Variants in GFPT1 observed in about 807,000 individuals in gnomAD.
GFPT1 encodes glutamine--fructose-6-phosphate transaminase 1.
Under a neutral mutation model 92.0 loss-of-function variants are expected in GFPT1, and 40 were observed. That is an observed-to-expected ratio of 0.43 (90% confidence interval 0.34 to 0.57). The LOEUF is 0.57. Among genes scored for constraint, GFPT1 ranks in the 20% least tolerant of loss-of-function variants. The pLI, the probability that GFPT1 is intolerant of heterozygous loss-of-function variation, is 0.02. For synonymous variants in GFPT1, 269 were observed against 280.6 expected, an observed-to-expected ratio of 0.96 and a Z score of 0.41; for missense variants, 448 against 869.1, an observed-to-expected ratio of 0.52 and a Z score of 6.09.
intron 2 of GFPT1, 45 bp from the exon 3 acceptor site, chr2:69,370,153 C>G (rs751018032): frequency 8.8e-7 from 1 of 1,139,552 alleles, no homozygotes; most frequent in Non-Finnish European, 1.3e-6. Flanking sequence ...AAACTGGCTA[C>G]TGATAAAATT....
At chr2:69,346,072 T>C in intron 11 of GFPT1, 73 bp from the exon 12 acceptor site, 1 of 849,870 alleles carries the variant, frequency 1.2e-6, no homozygotes, top group Non-Finnish European at 2.0e-6. Context: ...ACTAAAAGTT[T>C]CCTTTAATAT....
At chr2:69,377,386 C>T (rs1427070128) in intron 1 of GFPT1, among the ~76,000 whole-genome samples, 1 of 151,504 alleles carries the variant, frequency 6.6e-6, no homozygotes, top group African/African-American at 2.4e-5. Context: ...CACAGTGGCT[C>T]ACACCTGTAA....
At chr2:69,354,186 G>A (rs1460626429) in intron 9 of GFPT1, 73 bp downstream of exon 9, 21 of 1,063,316 alleles carry the variant, frequency 2.0e-5, no homozygotes, top group Non-Finnish European at 2.6e-5. Context: ...TTCACTCCAA[G>A]AACAAAAGAA....
At chr2:69,337,418 G>A (rs1354155411) in intron 15 of GFPT1, among the ~76,000 whole-genome samples, 1 of 152,144 alleles carries the variant, frequency 6.6e-6, no homozygotes, top group Admixed American at 6.5e-5. Context: ...TTCAGAGGTA[G>A]TATGTATATT....
At chr2:69,384,335 T>C (rs1264590911) in intron 1 of GFPT1, among the ~76,000 whole-genome samples, 1 of 152,182 alleles carries the variant, frequency 6.6e-6, no homozygotes, top group Admixed American at 6.5e-5. Flanking sequence ...TATCAGTATA[T>C]CTGATTGAAA....
intron 1 of GFPT1, 46 bp from the exon 2 acceptor site, chr2:69,374,159 C>A (rs1671816533): frequency 2.2e-6 from 2 of 914,124 alleles, no homozygotes; most frequent in South Asian, 1.4e-5. Context: ...TTTAAAAAAT[C>A]AAAATTAGCA....
At chr2:69,358,277 G>C in intron 6 of GFPT1, 52 bp downstream of exon 6, 1 of 1,511,724 alleles carries the variant, frequency 6.6e-7, no homozygotes, top group Non-Finnish European at 9.2e-7. Flanking sequence ...TTTCCAGAAA[G>C]TTTCTCAGCA....
At chr2:69,340,503 T>C (rs2104621010) in intron 13 of GFPT1, among the ~76,000 whole-genome samples, 1 of 152,332 alleles carries the variant, frequency 6.6e-6, no homozygotes, top group African/African-American at 2.4e-5. Context: ...ACTGGAACGT[T>C]AAGCATGTGG....
At chr2:69,337,415 G>T (rs952284770) in intron 15 of GFPT1, among the ~76,000 whole-genome samples, 1 of 152,098 alleles carries the variant, frequency 6.6e-6, no homozygotes, top group Non-Finnish European at 1.5e-5. Context: ...ACTTTCAGAG[G>T]TAGTATGTAT....
rs1007179754 is a variant in GFPT1, at chr2:69,324,275, G to A, written c.*1914C>T. ...GGAGACAGAGATTATGCAGACTAAT[G>A]ACTGACTTCACATATTAGTTTTAAC... On this transcript the variant is annotated 3_prime_UTR_variant, in exon 20 of 20. Coordinates refer to ENST00000357308, the MANE Select transcript of GFPT1 (RefSeq NM_001244710.2). The A allele has an allele frequency of 6.6e-6, 1 of 152,120 alleles. No individual in the cohort carries two copies. The highest frequency in any genetic ancestry group is 1.5e-5 in the Non-Finnish European group (1 of 68,020). 9.4% of individuals were successfully genotyped at this position (152,120 alleles called of 1,614,324 possible). A position where few individuals can be genotyped will look rare whatever the true frequency, so the allele number is the denominator to read the frequency against.
At chr2:69,336,254 G>T (rs567064657) in intron 15 of GFPT1, among the ~76,000 whole-genome samples, 12 of 147,616 alleles carry the variant, frequency 8.1e-5, no homozygotes, top group Admixed American at 2.1e-4. Flanking sequence ...CAGGAGAATC[G>T]CTTGAACCCA....
Position 69,381,720 on chromosome 2 carries a change from A to ATT in GFPT1, c.7+5343_7+5344dup, listed in dbSNP as rs35072608. On this transcript the variant is annotated intron_variant, in intron 1 of 19. Transcript: ENST00000357308. ...AGGTATGCACCACCATGCCTGGCTA[A>ATT]TTTTTTTTTTTTTAATAGAGATGGG... Among the ~76,000 whole-genome samples the ATT allele has an allele frequency of 7.6e-3, 1,104 of 146,184 alleles. 18 individuals are homozygous for ATT. Among genetic ancestry groups the ATT allele is most frequent in the Admixed American group, 0.013 (195 of 14,632 alleles).
chr2:69,363,072 C>A (rs1014136816), intron 4 of GFPT1, among the ~76,000 whole-genome samples: 1 of 151,824 alleles, frequency 6.6e-6, no homozygotes, highest in Non-Finnish European at 1.5e-5. Flanking sequence ...ACAGTGAAAC[C>A]CCGTCTCTAC....
intron 9 of GFPT1, among the ~76,000 whole-genome samples, chr2:69,352,944 G>A (rs1344861824): frequency 6.6e-6 from 1 of 151,970 alleles, no homozygotes; most frequent in Non-Finnish European, 1.5e-5. Context: ...TACTCTGGAG[G>A]CTGAGGCATG....
rs187426897 is a variant in GFPT1 at position 69,376,467 on chromosome 2, C to T, written c.8-2354G>A. Among the ~76,000 whole-genome samples, 739 of 151,602 alleles carry T rather than the reference C, an allele frequency of 4.9e-3. 4 individuals are homozygous for T. The highest frequency in any genetic ancestry group is 0.017 in the African/African-American group (706 of 41,248). On this transcript the variant is annotated intron_variant, in intron 1 of 19. Transcript: ENST00000357308. Reference sequence around the variant, plus strand: ...CCAGGAGGCGGAGGTTGCAGTGAGCCGAGATCGCACTGCTGCACTCCAGCC... The same window carrying T: ...CCAGGAGGCGGAGGTTGCAGTGAGCTGAGATCGCACTGCTGCACTCCAGCC...
intron 1 of GFPT1, among the ~76,000 whole-genome samples, chr2:69,382,337 T>C (rs1038618640): frequency 1.3e-5 from 2 of 152,212 alleles, no homozygotes; most frequent in African/African-American, 4.8e-5. Flanking sequence ...GAATAAGCAA[T>C]GAACACCCTG....
In GFPT1 at chr2:69,354,719, A is replaced by T. The variant is rs915435232; in HGVS notation, c.606-151T>A. On this transcript the variant is annotated intron_variant, in intron 7 of 19. Coordinates refer to ENST00000357308, the MANE Select transcript of GFPT1 (RefSeq NM_001244710.2). ...AAGAACTAGATAAAAAGAATTTTTT[A>T]AAAAAATCAGTATTGGGCCAGGTGC... 2.7e-4 allele frequency: 167 copies of T among 623,278 alleles called. 1 individual carries two copies. The Admixed American group carries it at 3.7e-3, about 14-fold the overall frequency. The allele number at this position is 623,278 out of a possible 1,614,324, so 38.6% of individuals were successfully genotyped here.
chr2:69,380,564 A>G (rs563035026), intron 1 of GFPT1, among the ~76,000 whole-genome samples: 23 of 152,266 alleles, frequency 1.5e-4, no homozygotes, highest in African/African-American at 5.1e-4. Context: ...ATCTCTATAC[A>G]TTCCCTCACA....
Position 69,325,020 on chromosome 2 carries a change from G to A in GFPT1, c.*1169C>T, listed in dbSNP as rs3182038. The A allele has an allele frequency of 6.6e-6, 1 of 152,076 alleles. No individual in the cohort carries two copies. Among genetic ancestry groups the A allele is most frequent in the African/African-American group, 2.4e-5 (1 of 41,422 alleles). 9.4% of individuals were successfully genotyped at this position (152,076 alleles called of 1,614,324 possible). On this transcript the variant is annotated 3_prime_UTR_variant, in exon 20 of 20. Coordinates refer to ENST00000357308, the MANE Select transcript of GFPT1 (RefSeq NM_001244710.2). ...GGTAGAGCACAGAAAATACAGAAGAGGAAAAATACTTAGGATACAATACTA... is the reference window on the plus strand; with the variant it reads ...GGTAGAGCACAGAAAATACAGAAGAAGAAAAATACTTAGGATACAATACTA...
Sources: allele counts gnomAD v4.1 joint callset (sites outside exome capture counted in the v4.1 genomes callset), GRCh38; gene constraint gnomAD v4.1.1; transcripts MANE v1.5; gene names NCBI Gene and HGNC (gene_info 2026-07-23, HGNC 2026-07-21).